VCL: variants seen among roughly 807,000 people sequenced by gnomAD.
The protein encoded by VCL is epididymis luminal protein 114.
In VCL, 47 loss-of-function variants were observed where a neutral mutation model predicts 125.7. That is an observed-to-expected ratio of 0.37 (90% CI 0.30 to 0.48). The LOEUF is 0.48. Ranked by LOEUF, VCL falls within the 20% of genes least tolerant of loss-of-function variation. VCL has a pLI of 0.99. For synonymous variants in VCL, 458 were observed against 514.6 expected (o/e 0.89, Z 1.49); for missense variants, 1,069 against 1,455.5 (o/e 0.73, Z 4.32).
chr10:74,073,601 A>T (rs1247546560), intron 5 of VCL, among the ~76,000 whole-genome samples: 3 of 152,206 alleles, frequency 2.0e-5, no homozygotes, highest in Admixed American at 2.0e-4. Flanking sequence ...GTATTAATCC[A>T]ATTTTTCCTA....
chr10:74,037,239 A>G (rs1468749543), intron 1 of VCL, among the ~76,000 whole-genome samples: 4 of 152,068 alleles, frequency 2.6e-5, no homozygotes, highest in Non-Finnish European at 5.9e-5. Context: ...CTCTATTTTT[A>G]TTTGGAAAAG....
chr10:74,039,225 T>G (rs1841045611), intron 1 of VCL, among the ~76,000 whole-genome samples: 2 of 152,288 alleles, frequency 1.3e-5, no homozygotes, highest in South Asian at 4.1e-4. Flanking sequence ...GTGGTTTTTA[T>G]TTCTTTACCT....
At chr10:74,023,328 C>A (rs570947840) in intron 1 of VCL, among the ~76,000 whole-genome samples, 1 of 152,204 alleles carries the variant, frequency 6.6e-6, no homozygotes, top group Non-Finnish European at 1.5e-5. Context: ...AGCCTAGGAG[C>A]AGTGGCTATG....
chr10:74,029,504 G>T (rs1325936846), intron 1 of VCL, among the ~76,000 whole-genome samples: 3 of 152,148 alleles, frequency 2.0e-5, no homozygotes, highest in African/African-American at 7.2e-5. Flanking sequence ...GGTGAGCAAG[G>T]TTGCTCTGCT....
chr10:74,113,227 A>C (rs542014818), intron 19 of VCL, among the ~76,000 whole-genome samples: 3 of 152,360 alleles, frequency 2.0e-5, no homozygotes, highest in Admixed American at 6.5e-5. Context: ...GTTAGCAGCC[A>C]AAAGAGGAGC....
At chr10:74,073,529 C>A (rs1386042180) in intron 5 of VCL, among the ~76,000 whole-genome samples, 2 of 152,162 alleles carry the variant, frequency 1.3e-5, no homozygotes, top group African/African-American at 2.4e-5. Flanking sequence ...TAATTAGGAG[C>A]TGGAATGGAT....
At chr10:74,067,686 G>C (rs143263688) in intron 2 of VCL, among the ~76,000 whole-genome samples, 1 of 152,174 alleles carries the variant, frequency 6.6e-6, no homozygotes, top group Non-Finnish European at 1.5e-5. Context: ...ATGAAGTATT[G>C]ATACAGGCTA....
rs1303407684 is a variant in VCL, at chr10:74,071,545, A to G, written c.499+462A>G. On this transcript the variant is annotated intron_variant, in intron 4 of 21. Transcript: ENST00000211998. This position sits in a 1 kb window ranked among gnomAD's most constrained non-coding sequence, Gnocchi z 4.1. ...TAATCAGACCTAGGAGAGAAGAGCTATTGTGGTTAAATCTTATTTTGAAAT... is the reference window on the plus strand; with the variant it reads ...TAATCAGACCTAGGAGAGAAGAGCTGTTGTGGTTAAATCTTATTTTGAAAT... 2.0e-5 allele frequency among the ~76,000 whole-genome samples: 3 copies of G among 152,188 alleles called. No homozygotes were observed. The highest frequency in any genetic ancestry group is 4.4e-5 in the Non-Finnish European group (3 of 68,036).
At chr10:74,117,533 T>TTGTC in intron 21 of VCL, among the ~76,000 whole-genome samples, 1 of 152,258 alleles carries the variant, frequency 6.6e-6, no homozygotes, top group African/African-American at 2.4e-5. Context: ...CATGTACCTA[T>TTGTC]TGTCCCAGCT....
At chr10:74,014,772 G>A (rs1840506128) in intron 1 of VCL, among the ~76,000 whole-genome samples, 1 of 152,140 alleles carries the variant, frequency 6.6e-6, no homozygotes, top group Admixed American at 6.6e-5. Context: ...TCAGCCCACT[G>A]CAACCTCCAC....
chr10:74,001,379 G>C (rs549398146), intron 1 of VCL, among the ~76,000 whole-genome samples: 1 of 152,124 alleles, frequency 6.6e-6, no homozygotes. Flanking sequence ...TGCCCAGGCT[G>C]GTCTCGAATC....
Position 74,071,498 on chromosome 10 carries a change from C to T in VCL, c.499+415C>T, listed in dbSNP as rs1055408546. Among the ~76,000 whole-genome samples the T allele has an allele frequency of 6.6e-6, 1 of 152,102 alleles. No homozygotes were observed. Among genetic ancestry groups the T allele is most frequent in the African/African-American group, 2.4e-5 (1 of 41,408 alleles). On this transcript the variant is annotated intron_variant, in intron 4 of 21. Coordinates refer to ENST00000211998, the MANE Select transcript of VCL (RefSeq NM_014000.3). The surrounding 1 kb of genome is among the most constrained non-coding windows in gnomAD (Gnocchi z 4.1). ...CCTGCCTACTATTATGGATTCATGC[C>T]CTCACCCAAGGCTGCATAATATAAT...
intron 13 of VCL, among the ~76,000 whole-genome samples, chr10:74,099,321 G>A (rs1372187470): frequency 1.3e-5 from 2 of 152,100 alleles, no homozygotes; most frequent in African/African-American, 4.8e-5. Flanking sequence ...TGCACAGTCT[G>A]TCTTTTCCAT....
At chr10:74,060,314 T>A (rs1458280253) in intron 2 of VCL, among the ~76,000 whole-genome samples, 1 of 149,180 alleles carries the variant, frequency 6.7e-6, no homozygotes, top group Non-Finnish European at 1.5e-5. Context: ...AGAAAAAAAA[T>A]TTAGTAACTC....
Position 74,105,163 on chromosome 10 carries a change from G to A in VCL, c.2244G>A (p.Met748Ile). ...CTATGGCCAACATTCAGCCTCAGAT[G>A]CTGGTTGCTGGGGCAACCAGTATTG... ...KVAMANIQPQ[M>I]LVAGATSIAR... Residue 748 changes from methionine to isoleucine, a missense_variant, in exon 16 of 22, where the codon ATG becomes ATA. This residue lies in a region of VCL where 760 missense variants were observed against 928.9 expected (regional missense o/e 0.82). Transcript: ENST00000211998. 2 of 1,614,212 alleles carry A rather than the reference G, an allele frequency of 1.2e-6. No individual in the cohort carries two copies. The highest frequency in any genetic ancestry group is 1.7e-6 in the Non-Finnish European group (2 of 1,180,028).
At chr10:74,103,040 G>C (rs1330491831) in intron 14 of VCL, among the ~76,000 whole-genome samples, 1 of 152,006 alleles carries the variant, frequency 6.6e-6, no homozygotes, top group Non-Finnish European at 1.5e-5. Context: ...CTAGTTTTTT[G>C]TATTTTTATT....
At chr10:74,036,061 A>G (rs1294675001) in intron 1 of VCL, among the ~76,000 whole-genome samples, 3 of 152,240 alleles carry the variant, frequency 2.0e-5, no homozygotes, top group Non-Finnish European at 4.4e-5. Flanking sequence ...TCATGGAACC[A>G]ATTCTCCATA....
In VCL at chr10:73,998,363, C is replaced by G; in HGVS notation, c.156C>G (p.Ser52Arg). Residue 52 changes from serine to arginine, a missense_variant, in exon 1 of 22, where the codon AGC (serine) becomes AGG (arginine). Physicochemically the swap from Ser to Arg is moderately radical, Grantham distance 110. Coordinates refer to ENST00000211998, the MANE Select transcript of VCL (RefSeq NM_014000.3). Reference sequence around the variant, plus strand: ...TGGCCGCCGTGCAGGCGGCCGTCAGCAACCTCGTCCGGGTGAGCGCGCAGG... The same window carrying G: ...TGGCCGCCGTGCAGGCGGCCGTCAGGAACCTCGTCCGGGTGAGCGCGCAGG... ...APVAAVQAAV[S>R]NLVRVGKETV... The G allele has an allele frequency of 6.5e-7, 1 of 1,540,200 alleles. No homozygotes were observed. The highest frequency in any genetic ancestry group is 8.8e-7 in the Non-Finnish European group (1 of 1,141,068).
At position 74,078,147 on chromosome 10, in the gene VCL, A is replaced by T. The variant is rs146965774; in HGVS notation, c.783+3244A>T. Among the ~76,000 whole-genome samples, 561 of 152,250 alleles carry T rather than the reference A, an allele frequency of 3.7e-3. 3 individuals are homozygous for T. Among genetic ancestry groups the T allele is most frequent in the African/African-American group, 0.012 (498 of 41,546 alleles). On this transcript the variant is annotated intron_variant, in intron 6 of 21. Transcript: ENST00000211998. Reference sequence around the variant, plus strand: ...AAGTGAGATAAAAAATTAAAAAAAAATTTCACTGCTAAGACTTTGAACCCT... The same window carrying T: ...AAGTGAGATAAAAAATTAAAAAAAATTTTCACTGCTAAGACTTTGAACCCT...
Sources: allele counts gnomAD v4.1 joint callset (sites outside exome capture counted in the v4.1 genomes callset), GRCh38; gene constraint gnomAD v4.1.1; regional missense constraint gnomAD v4.1.1; non-coding constraint Gnocchi (gnomAD v3.1); transcripts MANE v1.5; gene names NCBI Gene and HGNC (gene_info 2026-07-23, HGNC 2026-07-21).